The following MARCHF1 variants were observed in gnomAD, a reference collection of about 807,000 sequenced individuals.
MARCHF1 encodes the protein membrane associated ring-CH-type finger 1, also known as E3 ubiquitin-protein ligase MARCHF1.
Under a neutral mutation model 54.2 loss-of-function variants are expected in MARCHF1, and 40 were observed. The ratio of observed to expected loss-of-function variants is 0.74; its 90% CI spans 0.57 to 0.96. MARCHF1 has a LOEUF of 0.96. Among genes scored for constraint, MARCHF1 ranks in the 40% least tolerant of loss-of-function variants. The pLI is 0.00. For missense variants in MARCHF1, 586 were observed against 656.5 expected (o/e 0.89, Z 1.17); for synonymous variants, 236 against 236.3 (o/e 1.00, Z 0.01).
chr4:164,196,080 T>C (rs1019392677), intron 1 of MARCHF1, among the ~76,000 whole-genome samples: 12 of 152,140 alleles, frequency 7.9e-5, no homozygotes, highest in African/African-American at 2.9e-4. Context: ...TAATTACTAG[T>C]CTTCATTAGT....
intron 4 of MARCHF1, among the ~76,000 whole-genome samples, chr4:163,742,563 GCTT>G (rs1746237572): frequency 1.3e-5 from 2 of 151,774 alleles, no homozygotes; most frequent in South Asian, 4.2e-4. Flanking sequence ...TGCACCCTCA[GCTT>G]CTTGGGCTCA....
intron 2 of MARCHF1, among the ~76,000 whole-genome samples, chr4:163,998,986 A>T (rs1753133506): frequency 6.6e-6 from 1 of 151,832 alleles, no homozygotes; most frequent in South Asian, 2.1e-4. Context: ...TTGCTAGATC[A>T]TATGGTAGTT....
chr4:164,166,869 A>G (rs925415670), intron 1 of MARCHF1, among the ~76,000 whole-genome samples: 3 of 144,948 alleles, frequency 2.1e-5, no homozygotes, highest in African/African-American at 7.4e-5. Flanking sequence ...TGATAAAGAA[A>G]TCAAGAAAAA....
chr4:164,111,749 A>T (rs910175663), intron 1 of MARCHF1, 87 bp from the exon 2 acceptor site: 2 of 151,708 alleles, frequency 1.3e-5, no homozygotes, highest in African/African-American at 4.8e-5. Context: ...AGACCACACA[A>T]ATGTTGTAGA....
chr4:163,888,238 T>C (rs2111261639), intron 3 of MARCHF1, among the ~76,000 whole-genome samples: 1 of 152,202 alleles, frequency 6.6e-6, no homozygotes, highest in East Asian at 1.9e-4. Flanking sequence ...GAAATGGCCC[T>C]CAGAGCCATA....
rs1482785407 is a variant in MARCHF1 at position 163,528,121 on chromosome 4, G to GTAAT, written c.*623_*626dup. On this transcript the variant is annotated 3_prime_UTR_variant, in exon 10 of 10. Transcript: ENST00000514618. ...AATCTTTTGCGTGACTTAAACAAAC[G>GTAAT]TAATTAATTCCAAATATCAATGTCT... is the stretch of plus-strand genomic sequence containing the variant. The GTAAT allele has an allele frequency of 6.6e-6, 1 of 152,076 alleles. No individual in the cohort carries two copies. The highest frequency in any genetic ancestry group is 2.4e-5 in the African/African-American group (1 of 41,258). The allele number at this position is 152,076 out of a possible 1,614,324, so 9.4% of individuals were successfully genotyped here.
At chr4:164,262,889 T>C (rs550069465) in intron 1 of MARCHF1, among the ~76,000 whole-genome samples, 2 of 152,322 alleles carry the variant, frequency 1.3e-5, no homozygotes, top group South Asian at 4.1e-4. Flanking sequence ...AATAAATTAG[T>C]AAATATTATG....
chr4:163,788,581 A>G (rs1412254974), intron 4 of MARCHF1, among the ~76,000 whole-genome samples: 1 of 151,928 alleles, frequency 6.6e-6, no homozygotes, highest in Non-Finnish European at 1.5e-5. Context: ...ACTGTCTATC[A>G]ATTTGAGTTT....
intron 1 of MARCHF1, among the ~76,000 whole-genome samples, chr4:164,244,835 C>T (rs201608026): frequency 0.18 from 28,029 of 151,740 alleles, 2,854 homozygotes; most frequent in Admixed American, 0.32. Flanking sequence ...AACACCTCTA[C>T]GCAAATAAAC....
intron 1 of MARCHF1, among the ~76,000 whole-genome samples, chr4:164,254,411 T>C (rs192409659): frequency 6.7e-6 from 1 of 148,780 alleles, no homozygotes; most frequent in African/African-American, 2.6e-5. Flanking sequence ...TAATACTTAA[T>C]AAACTCCTAT....
chr4:163,977,900 A>G (rs1484882965), intron 3 of MARCHF1, among the ~76,000 whole-genome samples: 1 of 152,204 alleles, frequency 6.6e-6, no homozygotes, highest in Admixed American at 6.5e-5. Flanking sequence ...TCTTTATAAA[A>G]CCTAACAACC....
At chr4:164,058,302 T>G (rs1381083160) in intron 2 of MARCHF1, among the ~76,000 whole-genome samples, 1 of 152,218 alleles carries the variant, frequency 6.6e-6, no homozygotes, top group Non-Finnish European at 1.5e-5. Flanking sequence ...TCAATCTCTT[T>G]GCAACATATC....
intron 4 of MARCHF1, among the ~76,000 whole-genome samples, chr4:163,755,754 C>A (rs1339724088): frequency 6.6e-6 from 1 of 151,796 alleles, no homozygotes; most frequent in East Asian, 1.9e-4. Flanking sequence ...ACAGAGACAG[C>A]AAAGAATATA....
intron 3 of MARCHF1, among the ~76,000 whole-genome samples, chr4:163,908,846 A>G (rs1751127847): frequency 6.6e-6 from 1 of 152,144 alleles, no homozygotes; most frequent in Non-Finnish European, 1.5e-5. Flanking sequence ...AACCAGGCAT[A>G]TTTAACATAA....
intron 4 of MARCHF1, among the ~76,000 whole-genome samples, chr4:163,712,600 T>C (rs912035890): frequency 1.3e-5 from 2 of 152,210 alleles, no homozygotes; most frequent in Non-Finnish European, 2.9e-5. Flanking sequence ...TTCAACTCTT[T>C]CTTATTCCTC....
At chr4:163,869,918 G>A (rs1311404800) in intron 3 of MARCHF1, among the ~76,000 whole-genome samples, 1 of 152,070 alleles carries the variant, frequency 6.6e-6, no homozygotes, top group Non-Finnish European at 1.5e-5. Flanking sequence ...CAACATGTGA[G>A]TGGATTGGTG....
intron 5 of MARCHF1, among the ~76,000 whole-genome samples, chr4:163,675,930 C>A (rs1032247035): frequency 3.3e-5 from 5 of 152,098 alleles, no homozygotes; most frequent in African/African-American, 1.2e-4. Flanking sequence ...TTAATACAAA[C>A]AAACAAACAA....
At chr4:164,126,934 A>T (rs1756195412) in intron 1 of MARCHF1, among the ~76,000 whole-genome samples, 1 of 152,098 alleles carries the variant, frequency 6.6e-6, no homozygotes, top group Non-Finnish European at 1.5e-5. Flanking sequence ...GGTGCCTGTA[A>T]TCCCAGCTAA....
chr4:164,043,525 A>G lies in MARCHF1; in HGVS notation c.-247-54816T>C, dbSNP rs186619060. Reference sequence around the variant, plus strand: ...GCTGGACCCTCAGCCTGGCCCATAAACCATTTTTCCTTCCTAGGCCTCTAA... The same window carrying G: ...GCTGGACCCTCAGCCTGGCCCATAAGCCATTTTTCCTTCCTAGGCCTCTAA... On this transcript the variant is annotated intron_variant, in intron 2 of 9. Coordinates refer to ENST00000514618, the MANE Select transcript of MARCHF1 (RefSeq NM_001394959.1). Among the ~76,000 whole-genome samples the G allele has an allele frequency of 4.6e-3, 697 of 151,744 alleles. 5 individuals carry two copies. The highest frequency in any genetic ancestry group is 0.016 in the African/African-American group (663 of 41,240).
Sources: allele counts gnomAD v4.1 joint callset (sites outside exome capture counted in the v4.1 genomes callset), GRCh38; gene constraint gnomAD v4.1.1; transcripts MANE v1.5; gene names NCBI Gene and HGNC (gene_info 2026-07-23, HGNC 2026-07-21).